Variants in CFAP299 observed in about 807,000 individuals in gnomAD.
CFAP299 encodes the protein cilia and flagella associated protein 299.
CFAP299 carries 21 observed loss-of-function variants against 27.0 expected under a neutral mutation model. The ratio of observed to expected loss-of-function variants is 0.78; its 90% CI spans 0.55 to 1.12. CFAP299 has a LOEUF of 1.12. Ranked by LOEUF, CFAP299 falls within the 50% of genes most tolerant of loss-of-function variation. The pLI is 0.00. For synonymous variants in CFAP299, 104 were observed against 98.1 expected (o/e 1.06, Z -0.36); for missense variants, 310 against 276.6 (o/e 1.12, Z -0.86).
chr4:80,774,590 T>C (rs1458890553), intron 3 of CFAP299, among the ~76,000 whole-genome samples: 1 of 151,980 alleles, frequency 6.6e-6, no homozygotes, highest in Non-Finnish European at 1.5e-5. Context: ...AATTCACCTT[T>C]AATTAATATG....
intron 3 of CFAP299, among the ~76,000 whole-genome samples, chr4:80,617,813 G>GT (rs1403057935): frequency 2.0e-5 from 3 of 152,090 alleles, no homozygotes; most frequent in South Asian, 2.1e-4. Context: ...ATTTTGATAT[G>GT]TTTTTTCTTG....
At chr4:80,900,783 G>A (rs1046495243) in intron 4 of CFAP299, among the ~76,000 whole-genome samples, 1 of 151,656 alleles carries the variant, frequency 6.6e-6, no homozygotes, top group Non-Finnish European at 1.5e-5. Context: ...ACAGGGCTGG[G>A]ATTTGAAATC....
chr4:80,936,795 AAAAAAAT>A (rs1321383270), intron 4 of CFAP299, among the ~76,000 whole-genome samples: 1 of 152,084 alleles, frequency 6.6e-6, no homozygotes, highest in Non-Finnish European at 1.5e-5. Context: ...AAATAAAAAT[AAAAAAAT>A]AAAAAATAAA....
In CFAP299 at chr4:80,581,670, C is replaced by A. The variant is rs954244122; in HGVS notation, c.243-1423C>A. Among the ~76,000 whole-genome samples the A allele has an allele frequency of 2.6e-5, 4 of 151,284 alleles. No individual in the cohort carries two copies. The East Asian group carries it at 7.8e-4, about 29-fold the overall frequency. ...GGTGTATTTTATCTCTTAAATATTT[C>A]CCAAATCTATCATTTCCTTCCTATC... On this transcript the variant is annotated intron_variant, in intron 2 of 5. Coordinates refer to ENST00000358105, the MANE Select transcript of CFAP299 (RefSeq NM_152770.3).
At chr4:80,823,315 G>A (rs1489625480) in intron 3 of CFAP299, among the ~76,000 whole-genome samples, 2 of 152,042 alleles carry the variant, frequency 1.3e-5, no homozygotes, top group African/African-American at 4.8e-5. Flanking sequence ...CTAAAACTCA[G>A]GGCCAGTAAT....
intron 2 of CFAP299, among the ~76,000 whole-genome samples, chr4:80,559,240 A>G (rs1734926099): frequency 6.8e-6 from 1 of 146,244 alleles, no homozygotes; most frequent in Non-Finnish European, 1.5e-5. Context: ...GGTTCATGGT[A>G]GTTGGACTTC....
intron 3 of CFAP299, among the ~76,000 whole-genome samples, chr4:80,839,083 TTTA>T (rs1730723994): frequency 6.6e-6 from 1 of 152,152 alleles, no homozygotes; most frequent in Non-Finnish European, 1.5e-5. Context: ...CCTTGAATTG[TTTA>T]TTGCCTTTTA....
chr4:80,418,614 C>T (rs532966764), intron 2 of CFAP299, among the ~76,000 whole-genome samples: 12 of 152,302 alleles, frequency 7.9e-5, no homozygotes, highest in South Asian at 6.2e-4. Context: ...TCTGAGGCTT[C>T]GTATCCTTTG....
chr4:80,342,929 C>T (rs1722525935), intron 1 of CFAP299, among the ~76,000 whole-genome samples: 1 of 152,006 alleles, frequency 6.6e-6, no homozygotes, highest in Non-Finnish European at 1.5e-5. Context: ...TTCAAGAGAC[C>T]CATCTCATGT....
rs143525350 is a variant in CFAP299, at chr4:80,380,217, C to T, written c.242+17333C>T. Among the ~76,000 whole-genome samples, 951 of 152,120 alleles carry T rather than the reference C, an allele frequency of 6.3e-3. 2 individuals carry two copies. The highest frequency in any genetic ancestry group is 0.024 in the Middle Eastern group (7 of 294). The stretch of plus-strand genomic sequence containing the variant: ...ATAGACACTCAAGCTTTCTTTTAAA[C>T]AGTATTTGCATAATATTTTTTCCGT... On this transcript the variant is annotated intron_variant, in intron 2 of 5. Transcript: ENST00000358105.
At chr4:80,823,704 G>A (rs891442473) in intron 3 of CFAP299, among the ~76,000 whole-genome samples, 8 of 152,102 alleles carry the variant, frequency 5.3e-5, no homozygotes, top group African/African-American at 1.2e-4. Flanking sequence ...CTGGTACTAC[G>A]TTAAGTACTC....
chr4:80,361,436 C>T (rs1723543427), intron 1 of CFAP299, among the ~76,000 whole-genome samples: 1 of 152,194 alleles, frequency 6.6e-6, no homozygotes, highest in Non-Finnish European at 1.5e-5. Flanking sequence ...AATTCTTACT[C>T]AAATGATCTC....
At chr4:80,763,574 T>C (rs965371876) in intron 3 of CFAP299, among the ~76,000 whole-genome samples, 1 of 152,142 alleles carries the variant, frequency 6.6e-6, no homozygotes, top group Non-Finnish European at 1.5e-5. Flanking sequence ...AAGAATATCA[T>C]TGACTTTCTT....
At chr4:80,470,863 T>G (rs1336482828) in intron 2 of CFAP299, among the ~76,000 whole-genome samples, 1 of 152,156 alleles carries the variant, frequency 6.6e-6, no homozygotes, top group African/African-American at 2.4e-5. Flanking sequence ...AATATGTTTA[T>G]TTTTGCATTT....
chr4:80,796,541 C>T (rs2101699), intron 3 of CFAP299, among the ~76,000 whole-genome samples: 7,969 of 152,158 alleles, frequency 0.052, 328 homozygotes, highest in East Asian at 0.22. Flanking sequence ...CAACTGAAGG[C>T]GAATTGCTTC....
intron 2 of CFAP299, among the ~76,000 whole-genome samples, chr4:80,414,370 G>A (rs990484645): frequency 1.3e-5 from 2 of 152,054 alleles, no homozygotes; most frequent in Non-Finnish European, 2.9e-5. Flanking sequence ...GCGACAAATG[G>A]GTATTTCTAA....
chr4:80,764,424 A>G lies in CFAP299; in HGVS notation c.334-105569A>G, dbSNP rs549112688. The stretch of plus-strand genomic sequence containing the variant: ...CCATCTCACGCCAGTTAGAATGGCA[A>G]TCGTTAAAGTCTGGAAACAATAGAA... On this transcript the variant is annotated intron_variant, in intron 3 of 5. Coordinates refer to ENST00000358105, the MANE Select transcript of CFAP299 (RefSeq NM_152770.3). Among the ~76,000 whole-genome samples, 4 of 152,290 alleles carry G rather than the reference A, an allele frequency of 2.6e-5. No homozygotes were observed. In the South Asian group the frequency reaches 6.2e-4, roughly 24 times the overall value.
intron 3 of CFAP299, among the ~76,000 whole-genome samples, chr4:80,813,172 C>T (rs914137855): frequency 2.6e-5 from 4 of 151,864 alleles, no homozygotes; most frequent in Admixed American, 1.3e-4. Context: ...TTGATATGCA[C>T]GTAAACATCT....
intron 3 of CFAP299, among the ~76,000 whole-genome samples, chr4:80,678,944 A>G (rs1458630203): frequency 6.6e-6 from 1 of 152,056 alleles, no homozygotes; most frequent in Non-Finnish European, 1.5e-5. Context: ...ACAAGTTGCT[A>G]CATGCATCCA....
Sources: allele counts gnomAD v4.1 joint callset (sites outside exome capture counted in the v4.1 genomes callset), GRCh38; gene constraint gnomAD v4.1.1; transcripts MANE v1.5; gene names NCBI Gene and HGNC (gene_info 2026-07-23, HGNC 2026-07-21).